TBC1D22B: variants seen among roughly 807,000 people sequenced by gnomAD.
The protein encoded by TBC1D22B is chromosome 6 open reading frame 197.
TBC1D22B carries 32 observed loss-of-function variants against 69.1 expected under a neutral mutation model. The observed-to-expected ratio is 0.46, with a 90% CI of 0.35 to 0.62. TBC1D22B has a LOEUF of 0.62. Ranked by LOEUF, TBC1D22B falls within the 20% of genes least tolerant of loss-of-function variation. The pLI, the probability that TBC1D22B is intolerant of heterozygous loss-of-function variation, is 0.00. For missense variants in TBC1D22B, 462 were observed against 630.9 expected (o/e 0.73, Z 2.87); for synonymous variants, 206 against 229.8 (o/e 0.90, Z 0.94).
At chr6:37,277,519 T>TG (rs70977646) in intron 2 of TBC1D22B, among the ~76,000 whole-genome samples, 149,836 of 149,836 alleles carry the variant, frequency 1, 74,918 homozygotes, top group Non-Finnish European at 1. Flanking sequence ...CAGGCTGGAG[T>TG]CAGTGGTGTG....
chr6:37,302,759 C>T (rs1049008786), intron 8 of TBC1D22B, among the ~76,000 whole-genome samples: 1 of 152,216 alleles, frequency 6.6e-6, no homozygotes, highest in African/African-American at 2.4e-5. Flanking sequence ...GGCATTTCCA[C>T]CTGATTATGT....
chr6:37,276,785 G>T (rs1766684074), intron 2 of TBC1D22B, among the ~76,000 whole-genome samples: 1 of 152,124 alleles, frequency 6.6e-6, no homozygotes, highest in Non-Finnish European at 1.5e-5. Context: ...CAGCTACTCA[G>T]GAGGCTGAGG....
At chr6:37,262,884 C>T (rs528201631) in intron 1 of TBC1D22B, among the ~76,000 whole-genome samples, 3 of 152,306 alleles carry the variant, frequency 2.0e-5, no homozygotes, top group South Asian at 4.2e-4. Flanking sequence ...TTCAACTAGG[C>T]AAAACAGCTA....
At position 37,269,750 on chromosome 6, in the gene TBC1D22B, G is replaced by A. The variant is rs191751324; in HGVS notation, c.113+100G>A. On this transcript the variant is annotated intron_variant, in intron 2 of 12. Transcript: ENST00000373491. ...AGTTTCCACCTTGACATTTTTTAGC[G>A]TCTCTTCTGCCCTATTTTGGACCAG... The A allele has an allele frequency of 4.1e-4, 459 of 1,132,906 alleles. 2 individuals carry two copies. In the African/African-American group the frequency reaches 5.8e-3, roughly 14 times the overall value. The allele number at this position is 1,132,906 out of a possible 1,614,324, so 70.2% of individuals were successfully genotyped here.
At chr6:37,279,871 C>G (rs910180476) in intron 3 of TBC1D22B, among the ~76,000 whole-genome samples, 1 of 152,232 alleles carries the variant, frequency 6.6e-6, no homozygotes, top group South Asian at 2.1e-4. Context: ...CTCTTCTCTT[C>G]TTCCTTTCCC....
intron 1 of TBC1D22B, among the ~76,000 whole-genome samples, chr6:37,263,251 T>C: frequency 6.6e-6 from 1 of 152,234 alleles, no homozygotes; most frequent in Admixed American, 6.5e-5. Context: ...CTGGAGAAGA[T>C]GCTGTGTATG....
chr6:37,326,389 A>AAG (rs1768405434), intron 12 of TBC1D22B, among the ~76,000 whole-genome samples: 1 of 151,408 alleles, frequency 6.6e-6, no homozygotes, highest in South Asian at 2.1e-4. Context: ...AAAAAAAAAA[A>AAG]AAAAAGTATT....
In TBC1D22B at chr6:37,332,931, G is replaced by T. The variant is rs1768625218; in HGVS notation, c.*1759G>T. Reference sequence around the variant, plus strand: ...GTTTGTATGGGAAATTGTGGATAAAGTGAAAAGAATTGTAAATAAATGGTG... The same window carrying T: ...GTTTGTATGGGAAATTGTGGATAAATTGAAAAGAATTGTAAATAAATGGTG... On this transcript the variant is annotated 3_prime_UTR_variant, in exon 13 of 13. Coordinates refer to ENST00000373491, the MANE Select transcript of TBC1D22B (RefSeq NM_017772.4). 1 of 152,320 alleles carries T rather than the reference G, an allele frequency of 6.6e-6. No homozygotes were observed. The highest frequency in any genetic ancestry group is 2.4e-5 in the African/African-American group (1 of 41,422). 9.4% of individuals were successfully genotyped at this position (152,320 alleles called of 1,614,324 possible).
chr6:37,310,227 C>A, intron 8 of TBC1D22B, among the ~76,000 whole-genome samples: 2 of 142,850 alleles, frequency 1.4e-5, no homozygotes, highest in African/African-American at 2.6e-5. Context: ...TATATACTTA[C>A]ATATATAAAA....
rs1322173115 is a variant in TBC1D22B at position 37,294,793 on chromosome 6, A to G, written c.982+3436A>G. The stretch of plus-strand genomic sequence containing the variant: ...AAATATCACTGTCCATTGACAATGA[A>G]CCTAGACACCTGAGAGCTCTGATGG... On this transcript the variant is annotated intron_variant, in intron 8 of 12. Coordinates refer to ENST00000373491, the MANE Select transcript of TBC1D22B (RefSeq NM_017772.4). Among the ~76,000 whole-genome samples, 11 of 152,246 alleles carry G rather than the reference A, an allele frequency of 7.2e-5. No homozygotes were observed. In the East Asian group the frequency reaches 1.9e-3, roughly 27 times the overall value.
At position 37,286,001 on chromosome 6, in the gene TBC1D22B, T is replaced by C. The variant is rs151113863; in HGVS notation, c.802-1006T>C. On this transcript the variant is annotated intron_variant, in intron 6 of 12. Transcript: ENST00000373491. Reference sequence around the variant, plus strand: ...ATTTTAGGACATTTTTGCAGCTTTCTGAGCTCTTCTAGTTCTTAGGAACTG... The same window carrying C: ...ATTTTAGGACATTTTTGCAGCTTTCCGAGCTCTTCTAGTTCTTAGGAACTG... Among the ~76,000 whole-genome samples the C allele has an allele frequency of 5.6e-3, 855 of 152,374 alleles. 8 individuals carry two copies. The highest frequency in any genetic ancestry group is 0.019 in the African/African-American group (809 of 41,590).
rs1423768797 is a variant in TBC1D22B, at chr6:37,324,240, A to G, written c.1390-6804A>G. 6 of 454,432 alleles carry G rather than the reference A, an allele frequency of 1.3e-5. No homozygotes were observed. The East Asian group carries it at 2.1e-4, about 16-fold the overall frequency. The allele number at this position is 454,432 out of a possible 1,614,324, so 28.1% of individuals were successfully genotyped here. On this transcript the variant is annotated intron_variant, in intron 12 of 12. Coordinates refer to ENST00000373491, the MANE Select transcript of TBC1D22B (RefSeq NM_017772.4). The stretch of plus-strand genomic sequence containing the variant: ...GTTCTTTTGTTGCTCATCATTATAC[A>G]TCCTGTGTTTGGTTGTGCCAGCCCT...
intron 12 of TBC1D22B, among the ~76,000 whole-genome samples, chr6:37,321,347 G>A (rs923633162): frequency 6.6e-6 from 1 of 152,070 alleles, no homozygotes; most frequent in African/African-American, 2.4e-5. Context: ...CTTACATGGT[G>A]GCTGTTCCCA....
intron 12 of TBC1D22B, among the ~76,000 whole-genome samples, chr6:37,328,575 G>A (rs953800364): frequency 6.6e-5 from 10 of 151,982 alleles, no homozygotes; most frequent in African/African-American, 1.2e-4. Context: ...AAATGCTTAC[G>A]GTAAATGTTG....
At chr6:37,269,691 A>T (rs1766420961) in intron 2 of TBC1D22B, 41 bp downstream of exon 2, 2 of 1,559,420 alleles carry the variant, frequency 1.3e-6, no homozygotes, top group Admixed American at 3.3e-5. Flanking sequence ...TACTGCTGTC[A>T]CCCCTATACC....
At chr6:37,306,120 T>C (rs1767710578) in intron 8 of TBC1D22B, among the ~76,000 whole-genome samples, 1 of 152,174 alleles carries the variant, frequency 6.6e-6, no homozygotes, top group Non-Finnish European at 1.5e-5. Flanking sequence ...GGTGGGACAG[T>C]GGTGCGTCCA....
At chr6:37,285,160 T>TCTG (rs61414951) in intron 6 of TBC1D22B, among the ~76,000 whole-genome samples, 4,706 of 151,608 alleles carry the variant, frequency 0.031, 222 homozygotes, top group African/African-American at 0.11. Context: ...TGAAGTAGCC[T>TCTG]CTGCTGCTGC....
intron 10 of TBC1D22B, among the ~76,000 whole-genome samples, chr6:37,316,350 A>G (rs916179671): frequency 8.5e-5 from 13 of 152,196 alleles, no homozygotes; most frequent in Non-Finnish European, 1.6e-4. Context: ...GGTGACCTCC[A>G]TGGTTCTTTT....
intron 1 of TBC1D22B, among the ~76,000 whole-genome samples, chr6:37,268,930 T>G (rs1333336504): frequency 6.6e-6 from 1 of 152,216 alleles, no homozygotes; most frequent in Non-Finnish European, 1.5e-5. Context: ...GCAATTGATT[T>G]CTCTTGTCAC....
Sources: allele counts gnomAD v4.1 joint callset (sites outside exome capture counted in the v4.1 genomes callset), GRCh38; gene constraint gnomAD v4.1.1; transcripts MANE v1.5; gene names NCBI Gene and HGNC (gene_info 2026-07-23, HGNC 2026-07-21).